Variants in DLG5 observed in about 807,000 individuals in gnomAD.
The protein encoded by DLG5 is discs large MAGUK scaffold protein 5.
In DLG5, 48 loss-of-function variants were observed where a neutral mutation model predicts 189.8. That is an observed-to-expected ratio of 0.25 (90% CI 0.20 to 0.32). The LOEUF is 0.32. DLG5 is among the 10% of genes least tolerant of loss of function. The pLI is 1.00. For missense variants in DLG5, 2,160 were observed against 2,544.7 expected, an observed-to-expected ratio of 0.85 and a Z score of 3.25; for synonymous variants, 1,016 against 1,054.1, an observed-to-expected ratio of 0.96 and a Z score of 0.70.
At position 77,806,959 on chromosome 10, in the gene DLG5, G is replaced by A. The variant is rs372777809; in HGVS notation, c.4797-31C>T. 140 of 1,592,268 alleles carry A rather than the reference G, an allele frequency of 8.8e-5. No homozygotes were observed. The African/African-American group carries it at 1.8e-3, about 21-fold the overall frequency. On this transcript the variant is annotated intron_variant, in intron 25 of 31. Coordinates refer to ENST00000372391, the MANE Select transcript of DLG5 (RefSeq NM_004747.4). ...CCACAGCACAGAAGGAACACGATCA[G>A]GCGGCTCTGGCCACCAAGGACGAAC...
chr10:77,903,885 C>G (rs916168084), intron 1 of DLG5, among the ~76,000 whole-genome samples: 1 of 152,204 alleles, frequency 6.6e-6, no homozygotes, highest in African/African-American at 2.4e-5. Flanking sequence ...GGAAGGACTG[C>G]AGATGGCATC....
chr10:77,836,235 A>G (rs1843128454), intron 7 of DLG5, among the ~76,000 whole-genome samples: 1 of 152,100 alleles, frequency 6.6e-6, no homozygotes. Flanking sequence ...AAAAGCTGAA[A>G]TCCAAAGCAT....
At chr10:77,807,201 C>A (rs1024748496) in intron 25 of DLG5, among the ~76,000 whole-genome samples, 3 of 152,150 alleles carry the variant, frequency 2.0e-5, no homozygotes, top group Non-Finnish European at 4.4e-5. Flanking sequence ...TTCCAGGTGG[C>A]CTTTCCCAGT....
chr10:77,906,464 A>G (rs1310982540), intron 1 of DLG5, among the ~76,000 whole-genome samples: 2 of 152,174 alleles, frequency 1.3e-5, no homozygotes, highest in Admixed American at 1.3e-4. Flanking sequence ...CTCCACTGTG[A>G]GGCCTCACTT....
At chr10:77,805,623 C>T in intron 27 of DLG5, 42 bp downstream of exon 27, 1 of 1,564,062 alleles carries the variant, frequency 6.4e-7, no homozygotes, top group Non-Finnish European at 8.7e-7. Context: ...CACAGCAAGC[C>T]CCATCTGGAG....
intron 25 of DLG5, among the ~76,000 whole-genome samples, 175 bp from the exon 26 acceptor site, chr10:77,807,103 A>G (rs1330355813): frequency 6.6e-6 from 1 of 152,176 alleles, no homozygotes; most frequent in Admixed American, 6.5e-5. Flanking sequence ...TGTTTTACAT[A>G]AAGGGGCAAA....
chr10:77,898,586 C>T (rs1175685107), intron 1 of DLG5, among the ~76,000 whole-genome samples: 3 of 152,198 alleles, frequency 2.0e-5, no homozygotes, highest in South Asian at 2.1e-4. Context: ...TCTTTTAATC[C>T]GAACCCCAAT....
intron 1 of DLG5, among the ~76,000 whole-genome samples, chr10:77,902,898 T>C (rs1048484301): frequency 6.9e-6 from 1 of 145,178 alleles, no homozygotes; most frequent in East Asian, 2.1e-4. Context: ...AATAAATAAA[T>C]AAATAAACGA....
Position 77,821,139 on chromosome 10 carries a change from A to G in DLG5, c.3345T>C (p.Ser1115=). Residue 1115 remains serine, a synonymous_variant, in exon 15 of 32, where the codon TCT becomes TCC. Coordinates refer to ENST00000372391, the MANE Select transcript of DLG5 (RefSeq NM_004747.4). ...CAAGCTTCGGCCGAAAACTGGGAGC[A>G]GATTTTGGCCGGCGACGCTTCTGCC... ...ELGQKRRRPK[S]APSFRPKLAP... The G allele has an allele frequency of 6.2e-7, 1 of 1,614,140 alleles. No homozygotes were observed. Among genetic ancestry groups the G allele is most frequent in the Non-Finnish European group, 8.5e-7 (1 of 1,180,050 alleles).
intron 2 of DLG5, chr10:77,866,770 C>T (rs1268516563): frequency 2.8e-6 from 1 of 354,848 alleles, no homozygotes; most frequent in Non-Finnish European, 5.6e-6. Context: ...TCCCCATGTA[C>T]TGGCTGACCT....
chr10:77,926,641 G>A lies in DLG5; in HGVS notation c.-121C>T, dbSNP rs1362077458. On this transcript the variant is annotated 5_prime_UTR_variant, in exon 1 of 32. Transcript: ENST00000372391. This position sits in a 1 kb window ranked among gnomAD's most constrained non-coding sequence, Gnocchi z 5.2. ...CGCCGGGAGCCGTGAGGCGGCGGGA[G>A]CCATGGGCCGGGGCCTGGGCGGGCT... 1 of 739,038 alleles carries A rather than the reference G, an allele frequency of 1.4e-6. No homozygotes were observed. The highest frequency in any genetic ancestry group is 1.7e-6 in the Non-Finnish European group (1 of 595,854). The allele number at this position is 739,038 out of a possible 1,614,324, so 45.8% of individuals were successfully genotyped here.
chr10:77,883,720 G>C (rs867571839), intron 1 of DLG5, among the ~76,000 whole-genome samples: 25 of 118,882 alleles, frequency 2.1e-4, no homozygotes, highest in Middle Eastern at 5.4e-3. Context: ...TTTTTGAGAC[G>C]GAGTCTCCCT....
At chr10:77,826,247 G>T (rs1014520036) in intron 13 of DLG5, among the ~76,000 whole-genome samples, 3 of 152,250 alleles carry the variant, frequency 2.0e-5, no homozygotes, top group African/African-American at 7.2e-5. Context: ...GAGATGCCCA[G>T]ACTATCCCTC....
intron 7 of DLG5, among the ~76,000 whole-genome samples, chr10:77,839,122 C>T (rs1030811447): frequency 6.6e-6 from 1 of 152,234 alleles, no homozygotes; most frequent in Admixed American, 6.5e-5. Context: ...TGCTGGACGC[C>T]AGCACCACAG....
intron 26 of DLG5, 73 bp downstream of exon 26, chr10:77,806,685 A>T (rs918677622): frequency 3.3e-6 from 5 of 1,497,384 alleles, no homozygotes; most frequent in Non-Finnish European, 4.6e-6. Context: ...GCCCCCTCCC[A>T]TGGGACAGCT....
chr10:77,820,035 AAG>A lies in DLG5; in HGVS notation c.3403-19_3403-18del. 2 of 1,612,374 alleles carry A rather than the reference AAG, an allele frequency of 1.2e-6. No homozygotes were observed. The highest frequency in any genetic ancestry group is 1.7e-6 in the Non-Finnish European group (2 of 1,179,840). On this transcript the variant is annotated intron_variant, in intron 15 of 31. Coordinates refer to ENST00000372391, the MANE Select transcript of DLG5 (RefSeq NM_004747.4). ...CTTCTGTTCCTGCAGATGCAAGGGC[AAG>A]AGTGTCTGCTAGAAAGAGTGGAGTG... is the stretch of plus-strand genomic sequence containing the variant.
the DLG5 span, among the ~76,000 whole-genome samples, chr10:77,934,118 T>C: frequency 2.0e-5 from 3 of 151,728 alleles, no homozygotes; most frequent in Non-Finnish European, 2.9e-5. Flanking sequence ...CACCTGTAAT[T>C]CCAGCATTTT....
At chr10:77,903,179 G>A (rs1379245971) in intron 1 of DLG5, among the ~76,000 whole-genome samples, 1 of 152,220 alleles carries the variant, frequency 6.6e-6, no homozygotes, top group East Asian at 1.9e-4. Context: ...TGTAATCCCA[G>A]CACTTTGGGA....
chr10:77,833,280 G>A (rs1016537356), intron 9 of DLG5, among the ~76,000 whole-genome samples: 1 of 152,096 alleles, frequency 6.6e-6, no homozygotes, highest in African/African-American at 2.4e-5. Flanking sequence ...ACCCCAAATG[G>A]TCTTCCAAAT....
Sources: gnomAD v4.1 joint callset for allele counts (sites outside exome capture counted in the v4.1 genomes callset) on GRCh38, gnomAD v4.1.1 for gene constraint, Gnocchi (gnomAD v3.1) non-coding constraint, MANE v1.5 for transcripts, NCBI Gene and HGNC (gene_info 2026-07-23, HGNC 2026-07-21) for gene names.